Variants in OR3A2 observed in about 807,000 individuals in gnomAD.
OR3A2 encodes the protein olfactory receptor family 3 subfamily A member 2, also known as olfactory receptor 3A2.
For synonymous variants in OR3A2, 126 were observed against 159.3 expected, an observed-to-expected ratio of 0.79 and a Z score of 1.57; for missense variants, 318 against 392.8, an observed-to-expected ratio of 0.81 and a Z score of 1.61.
intron 3 of OR3A2, chr17:3,291,633 C>T: frequency 6.3e-7 from 1 of 1,592,068 alleles, no homozygotes; most frequent in African/African-American, 1.3e-5. Context: ...ATTGAGACCT[C>T]CTCAAGCCAG....
At chr17:3,371,939 C>T (rs1424099043) in intron 2 of OR3A2, among the ~76,000 whole-genome samples, 8 of 150,372 alleles carry the variant, frequency 5.3e-5, no homozygotes, top group African/African-American at 2.0e-4. Flanking sequence ...CCCCACCTCC[C>T]TCCCGGACGG....
chr17:3,337,001 G>T lies in OR3A2; in HGVS notation c.-178-875C>A, dbSNP rs142036971. ...AGAAAACAAAAGATTCACCCTAGGT[G>T]AGCTATGCACATGGGTTCCGATATC... On this transcript the variant is annotated intron_variant, in intron 2 of 4. Coordinates refer to the OR3A2 transcript ENST00000573491. 3.3e-5 allele frequency among the ~76,000 whole-genome samples: 5 copies of T among 152,256 alleles called. No homozygotes were observed. In the East Asian group the frequency reaches 9.7e-4, roughly 29 times the overall value.
Position 3,347,391 on chromosome 17 carries a change from C to T in OR3A2, c.-178-11265G>A, listed in dbSNP as rs139944754. Reference sequence around the variant, plus strand: ...GTATATCTCCCAATGCTATCCCTCCCCTCTCCCCCGGCCCCACAACAGTCC... The same window carrying T: ...GTATATCTCCCAATGCTATCCCTCCTCTCTCCCCCGGCCCCACAACAGTCC... On this transcript the variant is annotated intron_variant, in intron 2 of 4. Coordinates refer to the OR3A2 transcript ENST00000573491. Among the ~76,000 whole-genome samples, 522 of 152,246 alleles carry T rather than the reference C, an allele frequency of 3.4e-3. 8 individuals carry two copies. The highest frequency in any genetic ancestry group is 0.012 in the African/African-American group (500 of 41,550).
intron 2 of OR3A2, among the ~76,000 whole-genome samples, chr17:3,379,437 C>T (rs2049714690): frequency 6.6e-6 from 1 of 152,160 alleles, no homozygotes. Context: ...AGAGCGCCAA[C>T]CCTGAAGTCC....
chr17:3,330,179 G>A (rs1640172681), intron 3 of OR3A2, among the ~76,000 whole-genome samples: 1 of 151,150 alleles, frequency 6.6e-6, no homozygotes, highest in African/African-American at 2.5e-5. Context: ...TGAAAAAAAT[G>A]TATATTCTGT....
At chr17:3,332,603 C>A (rs2150643117) in intron 3 of OR3A2, among the ~76,000 whole-genome samples, 1 of 152,316 alleles carries the variant, frequency 6.6e-6, no homozygotes, top group East Asian at 1.9e-4. Flanking sequence ...CACTGTCTGG[C>A]ACTCCCTAGT....
intron 3 of OR3A2, among the ~76,000 whole-genome samples, chr17:3,306,005 T>C (rs1170453249): frequency 1.3e-5 from 2 of 152,216 alleles, no homozygotes; most frequent in Admixed American, 1.3e-4. Context: ...GGCAGGATCC[T>C]ATCTCTGTTA....
intron 3 of OR3A2, among the ~76,000 whole-genome samples, chr17:3,326,969 T>A (rs1358513695): frequency 1.1e-5 from 1 of 91,474 alleles, no homozygotes; most frequent in African/African-American, 5.6e-5. Flanking sequence ...GACATTTGGG[T>A]TGGTTCCAAG....
chr17:3,360,130 A>G (rs1337379101), intron 2 of OR3A2, among the ~76,000 whole-genome samples: 1 of 151,680 alleles, frequency 6.6e-6, no homozygotes, highest in East Asian at 1.9e-4. Flanking sequence ...GTGTGACATG[A>G]TATCTCATTG....
intron 2 of OR3A2, among the ~76,000 whole-genome samples, chr17:3,344,639 C>A (rs1447337070): frequency 6.6e-6 from 1 of 152,168 alleles, no homozygotes; most frequent in African/African-American, 2.4e-5. Context: ...GACCATTCCC[C>A]AAATCCCTCA....
chr17:3,320,675 G>A (rs901435854), intron 3 of OR3A2, among the ~76,000 whole-genome samples: 18 of 151,956 alleles, frequency 1.2e-4, no homozygotes, highest in African/African-American at 4.4e-4. Flanking sequence ...GTTTGTCAAA[G>A]ATCAGGTAGC....
chr17:3,309,957 A>G (rs2049028060), intron 3 of OR3A2: 1 of 210,544 alleles, frequency 4.7e-6, no homozygotes, highest in Non-Finnish European at 9.6e-6. Flanking sequence ...TGGCCATGCC[A>G]CCATCTGTAG....
At position 3,339,345 on chromosome 17, in the gene OR3A2, C is replaced by A. The variant is rs148105360; in HGVS notation, c.-178-3219G>T. Among the ~76,000 whole-genome samples, 873 of 152,250 alleles carry A rather than the reference C, an allele frequency of 5.7e-3. 17 individuals carry two copies. Among genetic ancestry groups the A allele is most frequent in the South Asian group, 0.054 (262 of 4,824 alleles). On this transcript the variant is annotated intron_variant, in intron 2 of 4. Transcript: ENST00000573491. ...TGAGAGAGGGCATCCATGTCTTGTG[C>A]CAGTTTTCAAAGGGAATACTTCCAG...
At chr17:3,277,393 A>T (rs1037355667) in exon 2 of OR3A2, 1 of 152,328 alleles carries the variant, frequency 6.6e-6, no homozygotes, top group African/African-American at 2.4e-5. Context: ...CAAAGAAACA[A>T]ACAAAAAATT....
At chr17:3,300,666 AAATAT>A (rs2048955858) in intron 3 of OR3A2, among the ~76,000 whole-genome samples, 1 of 150,396 alleles carries the variant, frequency 6.6e-6, no homozygotes. Context: ...GTTTTGATGA[AAATAT>A]TGAGCAACAA....
upstream of OR3A2, among the ~76,000 whole-genome samples, chr17:3,285,991 G>A (rs9303168): frequency 0.012 from 1,899 of 152,242 alleles, 24 homozygotes; most frequent in African/African-American, 0.042. Flanking sequence ...AGGTATACGT[G>A]TGCCATGGTG....
At chr17:3,321,658 T>C (rs1597338539) in intron 3 of OR3A2, among the ~76,000 whole-genome samples, 1 of 152,226 alleles carries the variant, frequency 6.6e-6, no homozygotes. Context: ...TTGTCTTTGG[T>C]TCTGTTTATA....
chr17:3,378,828 C>T (rs1221070908), intron 2 of OR3A2, among the ~76,000 whole-genome samples: 6 of 152,186 alleles, frequency 3.9e-5, no homozygotes, highest in Non-Finnish European at 5.9e-5. Flanking sequence ...CATTTCAGTA[C>T]CTAGGGCACT....
intron 2 of OR3A2, among the ~76,000 whole-genome samples, chr17:3,355,440 CT>C (rs2049458637): frequency 8.4e-6 from 1 of 119,472 alleles, no homozygotes; most frequent in Non-Finnish European, 1.8e-5. Flanking sequence ...CTCTCTCTCT[CT>C]CTCTCTCTCT....
Sources: gnomAD v4.1 joint callset for allele counts (sites outside exome capture counted in the v4.1 genomes callset) on GRCh38, gnomAD v4.1.1 for gene constraint, MANE v1.5 for transcripts, NCBI Gene and HGNC (gene_info 2026-07-23, HGNC 2026-07-21) for gene names.